LRMDA: variants seen among roughly 807,000 people sequenced by gnomAD.
LRMDA encodes leucine-rich melanocyte differentiation-associated protein.
A neutral mutation model predicts 29.8 loss-of-function variants in LRMDA; 18 were observed. The observed-to-expected ratio is 0.60, with a 90% confidence interval of 0.42 to 0.90. The LOEUF is 0.90. Ranked by LOEUF, LRMDA falls within the 40% of genes least tolerant of loss-of-function variation. The pLI, the probability that LRMDA is intolerant of heterozygous loss-of-function variation, is 0.00. For missense variants in LRMDA, 273 were observed against 273.9 expected (o/e 1.00, Z 0.02); for synonymous variants, 125 against 109.4 (o/e 1.14, Z -0.89).
At chr10:75,557,117 C>A (rs1335406900) in intron 2 of LRMDA, among the ~76,000 whole-genome samples, 1 of 151,878 alleles carries the variant, frequency 6.6e-6, no homozygotes, top group Non-Finnish European at 1.5e-5. Context: ...AGTTCGAGAC[C>A]AGCCTGGACA....
At chr10:76,033,832 T>C (rs1213793852) in intron 2 of LRMDA, among the ~76,000 whole-genome samples, 2 of 152,030 alleles carry the variant, frequency 1.3e-5, no homozygotes, top group Admixed American at 1.3e-4. Context: ...AGGAAGGGAC[T>C]TCAGAAGAGC....
rs1842881624 is a variant in LRMDA at position 76,496,774 on chromosome 10, GGGTGTT to G, written c.602-60432_602-60427del. Among the ~76,000 whole-genome samples the G allele has an allele frequency of 2.7e-5, 2 of 74,788 alleles. 1 individual carries two copies. The highest frequency in any genetic ancestry group is 2.5e-4 in the Admixed American group (2 of 8,026). 49.1% of individuals were successfully genotyped at this position (74,788 alleles called of 152,430 possible). A position where few individuals can be genotyped will look rare whatever the true frequency, so the allele number is the denominator to read the frequency against. On this transcript the variant is annotated intron_variant, in intron 6 of 6. Transcript: ENST00000611255. ...GGGGACATTGCCTTCATGATCATAT[GGGTGTT>G]GGAGTGTTTGTCATGCCAAAGAGAA...
chr10:76,362,807 A>T (rs909017687), intron 6 of LRMDA, among the ~76,000 whole-genome samples: 2 of 152,084 alleles, frequency 1.3e-5, no homozygotes, highest in African/African-American at 4.8e-5. Flanking sequence ...GGAACTTTCA[A>T]TAGTGCTTGG....
At chr10:75,535,267 T>C (rs1564794795) in intron 2 of LRMDA, among the ~76,000 whole-genome samples, 1 of 152,176 alleles carries the variant, frequency 6.6e-6, no homozygotes, top group Non-Finnish European at 1.5e-5. Context: ...CTTCTCAGGA[T>C]TGACACACCA....
intron 5 of LRMDA, among the ~76,000 whole-genome samples, chr10:76,078,776 C>T (rs901308733): frequency 4.6e-5 from 7 of 152,158 alleles, no homozygotes; most frequent in African/African-American, 1.7e-4. Context: ...GCAGAGCTTG[C>T]AGTGAGCTGA....
chr10:75,759,885 G>C (rs1037874069), intron 2 of LRMDA, among the ~76,000 whole-genome samples: 6 of 152,226 alleles, frequency 3.9e-5, no homozygotes, highest in Non-Finnish European at 8.8e-5. Flanking sequence ...TTCAGAGCTA[G>C]AGTTGTAATT....
intron 6 of LRMDA, among the ~76,000 whole-genome samples, chr10:76,523,924 A>G (rs1478858547): frequency 2.0e-5 from 3 of 152,220 alleles, no homozygotes; most frequent in Non-Finnish European, 4.4e-5. Context: ...GTGCCGAGTG[A>G]AAAATGGCCT....
rs373917619 is a variant in LRMDA, at chr10:75,531,801, C to T, written c.131+93307C>T. ...AGAAAGTAATCAGTGATGCTAGGTG[C>T]GGTGGCTCTTGCCTGTAATCCCAGC... On this transcript the variant is annotated intron_variant, in intron 2 of 6. Transcript: ENST00000611255. 2.8e-4 allele frequency among the ~76,000 whole-genome samples: 42 copies of T among 152,012 alleles called. No individual in the cohort carries two copies. The South Asian group carries it at 6.7e-3, about 24-fold the overall frequency.
chr10:76,546,341 C>A (rs1017338855), intron 6 of LRMDA, among the ~76,000 whole-genome samples: 13 of 152,198 alleles, frequency 8.5e-5, no homozygotes, highest in African/African-American at 3.1e-4. Flanking sequence ...ACTATCCTCA[C>A]TAAAGGCACT....
intron 3 of LRMDA, among the ~76,000 whole-genome samples, chr10:76,039,676 C>T (rs1848310111): frequency 6.6e-6 from 1 of 152,192 alleles, no homozygotes; most frequent in African/African-American, 2.4e-5. Flanking sequence ...AGCTTCTACC[C>T]TAAACCTGCC....
At chr10:76,182,629 G>A (rs1851070361) in intron 5 of LRMDA, among the ~76,000 whole-genome samples, 1 of 152,076 alleles carries the variant, frequency 6.6e-6, no homozygotes, top group African/African-American at 2.4e-5. Context: ...ATTTTATAGT[G>A]TTAAGTTAGC....
chr10:76,357,856 AATT>A (rs1841261494), intron 6 of LRMDA, among the ~76,000 whole-genome samples: 1 of 152,098 alleles, frequency 6.6e-6, no homozygotes, highest in Non-Finnish European at 1.5e-5. Flanking sequence ...AACTCCCTGT[AATT>A]ATTATGCAGT....
intron 1 of LRMDA, among the ~76,000 whole-genome samples, chr10:75,435,540 A>G (rs1589143656): frequency 1.3e-5 from 2 of 152,344 alleles, no homozygotes; most frequent in East Asian, 1.9e-4. Context: ...CATGCAGATT[A>G]CTTATCGAGT....
chr10:76,340,447 C>T (rs1445067000), intron 6 of LRMDA, among the ~76,000 whole-genome samples: 5 of 126,350 alleles, frequency 4.0e-5, no homozygotes, highest in African/African-American at 6.1e-5. Context: ...GCCCAGGAGG[C>T]GGAGGTTGCA....
intron 2 of LRMDA, among the ~76,000 whole-genome samples, chr10:75,786,951 G>A (rs960433242): frequency 2.0e-5 from 3 of 152,174 alleles, no homozygotes; most frequent in Admixed American, 1.3e-4. Context: ...AAAGGCAGAG[G>A]TATCACACAA....
At chr10:76,424,827 C>A (rs983945622) in intron 6 of LRMDA, among the ~76,000 whole-genome samples, 5 of 152,170 alleles carry the variant, frequency 3.3e-5, no homozygotes, top group African/African-American at 1.2e-4. Flanking sequence ...ACCTTACTGT[C>A]TTTCCCAAGT....
chr10:75,686,669 A>G (rs1842085800), intron 2 of LRMDA, among the ~76,000 whole-genome samples: 1 of 152,182 alleles, frequency 6.6e-6, no homozygotes, highest in Non-Finnish European at 1.5e-5. Flanking sequence ...TATTCTCCAC[A>G]TGTTCTATGA....
chr10:75,909,366 A>G, intron 2 of LRMDA, among the ~76,000 whole-genome samples: 1 of 152,184 alleles, frequency 6.6e-6, no homozygotes, highest in East Asian at 1.9e-4. Context: ...CCTTTAGTAG[A>G]AACAGGAGCC....
intron 2 of LRMDA, among the ~76,000 whole-genome samples, chr10:75,969,221 G>C (rs929337848): frequency 2.0e-5 from 3 of 152,178 alleles, no homozygotes; most frequent in Non-Finnish European, 4.4e-5. Context: ...TTTGTCCTGT[G>C]GTCATCTGGC....
Sources: allele counts gnomAD v4.1 joint callset (sites outside exome capture counted in the v4.1 genomes callset), GRCh38; gene constraint gnomAD v4.1.1; transcripts MANE v1.5; gene names NCBI Gene and HGNC (gene_info 2026-07-23, HGNC 2026-07-21).